Variants in CPNE7 observed in about 807,000 individuals in gnomAD.
CPNE7 encodes copine 7.
A neutral mutation model predicts 66.5 loss-of-function variants in CPNE7; 78 were observed. The observed-to-expected ratio is 1.17, with a 90% CI of 0.98 to 1.42. The LOEUF (loss-of-function observed/expected upper bound fraction) is 1.42. Among genes scored for constraint, CPNE7 ranks in the 40% most tolerant of loss-of-function variants. CPNE7 has a pLI of 0.00. For missense variants in CPNE7, 1,012 were observed against 776.6 expected (o/e 1.30, Z -3.60); for synonymous variants, 468 against 336.7 (o/e 1.39, Z -4.27).
intron 10 of CPNE7, 139 bp downstream of exon 10, chr16:89,588,947 GGGCTCCAGGTCA>G (rs2059129195): frequency 9.8e-7 from 1 of 1,025,190 alleles, no homozygotes; most frequent in Admixed American, 2.1e-5. Flanking sequence ...TCACCCCCCT[GGGCTCCAGGTCA>G]GGCCTCGGGG....
At chr16:89,590,577 ATGGTGTGTGGGGATTT>A (rs2059151986) in intron 11 of CPNE7, among the ~76,000 whole-genome samples, 1 of 151,434 alleles carries the variant, frequency 6.6e-6, no homozygotes, top group African/African-American at 2.4e-5. Context: ...AGCAGAAAAA[ATGGTGTGTGGGGATTT>A]ATTGGCTAAT....
At chr16:89,578,745 T>C (rs1264043765) in intron 2 of CPNE7, 2 of 1,339,010 alleles carry the variant, frequency 1.5e-6, no homozygotes, top group East Asian at 2.8e-5. Flanking sequence ...GAGTGACAGA[T>C]TGAGACTCTG....
chr16:89,584,728 C>T lies in CPNE7; in HGVS notation c.508-46C>T. ...GACAAAGCCAGCTCCCATCCAAAGC[C>T]CGATCTCACAGTGCCTGGCCCAGCA... On this transcript the variant is annotated intron_variant, in intron 4 of 14. Transcript: ENST00000319518. The surrounding 1 kb of genome is among the most constrained non-coding windows in gnomAD (Gnocchi z 6.0). 6.9e-7 allele frequency: 1 copy of T among 1,458,300 alleles called. No individual in the cohort carries two copies. The highest frequency in any genetic ancestry group is 9.6e-7 in the Non-Finnish European group (1 of 1,044,512). The allele number at this position is 1,458,300 out of a possible 1,614,324, so 90.3% of individuals were successfully genotyped here.
intron 8 of CPNE7, 41 bp from the exon 9 acceptor site, chr16:89,587,002 T>A: frequency 6.4e-7 from 1 of 1,555,754 alleles, no homozygotes; most frequent in Non-Finnish European, 8.7e-7. Context: ...CTGGCCTCAG[T>A]GTCCCTGGCG....
intron 13 of CPNE7, among the ~76,000 whole-genome samples, chr16:89,593,167 G>A (rs1446197648): frequency 6.6e-6 from 1 of 151,904 alleles, no homozygotes; most frequent in African/African-American, 2.4e-5. Context: ...CATTCATGAT[G>A]ATCAAACATC....
At chr16:89,589,427 C>T (rs1376945902) in intron 10 of CPNE7, among the ~76,000 whole-genome samples, 1 of 152,218 alleles carries the variant, frequency 6.6e-6, no homozygotes, top group Non-Finnish European at 1.5e-5. Flanking sequence ...AGGCTTGGGG[C>T]TCACCCGCGT....
At position 89,596,995 on chromosome 16, in the gene CPNE7, C is replaced by CT; in HGVS notation, c.*374_*375insT. 5.8e-6 allele frequency: 1 copy of CT among 173,184 alleles called. No individual in the cohort carries two copies. The highest frequency in any genetic ancestry group is 1.6e-4 in the East Asian group (1 of 6,294). 10.7% of individuals were successfully genotyped at this position (173,184 alleles called of 1,614,324 possible). On this transcript the variant is annotated 3_prime_UTR_variant, in exon 15 of 15. Transcript: ENST00000319518. The stretch of plus-strand genomic sequence containing the variant: ...GTGGGGGAGGGCCAGCAAGGCAGTC[C>CT]CCCCACGCCCGAGAAAGCCTGGGGG...
chr16:89,579,472 C>G (rs557309926), intron 2 of CPNE7, among the ~76,000 whole-genome samples: 1 of 151,486 alleles, frequency 6.6e-6, no homozygotes, highest in Admixed American at 6.6e-5. Flanking sequence ...CACCTGCTGA[C>G]ACGGAACATC....
chr16:89,595,184 C>T (rs979445729), intron 13 of CPNE7, among the ~76,000 whole-genome samples, 183 bp from the exon 14 acceptor site: 9 of 152,148 alleles, frequency 5.9e-5, no homozygotes, highest in South Asian at 2.1e-4. Flanking sequence ...GTGCCCGCCA[C>T]GGAGGGGGCT....
intron 13 of CPNE7, among the ~76,000 whole-genome samples, chr16:89,592,688 C>A (rs1231079487): frequency 1.3e-5 from 2 of 150,848 alleles, no homozygotes; most frequent in Admixed American, 1.3e-4. Flanking sequence ...GTGATCCACC[C>A]GCCTCGGCCT....
Position 89,592,710 on chromosome 16 carries a change from G to A in CPNE7, c.1302+1450G>A, listed in dbSNP as rs866642452. 3.9e-4 allele frequency among the ~76,000 whole-genome samples: 59 copies of A among 151,200 alleles called. 1 individual carries two copies. The Middle Eastern group carries it at 0.028, about 72-fold the overall frequency. On this transcript the variant is annotated intron_variant, in intron 13 of 14. Coordinates refer to ENST00000319518, the MANE Select transcript of CPNE7 (RefSeq NM_153636.3). ...ACCCGCCTCGGCCTCCCAAAGTGCT[G>A]GGATTACAGGAGTGAGCCACCGCGC...
intron 2 of CPNE7, among the ~76,000 whole-genome samples, chr16:89,581,684 G>A (rs186528621): frequency 5.3e-5 from 8 of 152,174 alleles, no homozygotes; most frequent in Non-Finnish European, 7.4e-5. Context: ...TCACTCTGCC[G>A]CCCAGGCTGG....
intron 8 of CPNE7, 142 bp from the exon 9 acceptor site, chr16:89,586,901 T>A (rs927155678): frequency 1.8e-6 from 2 of 1,085,916 alleles, no homozygotes; most frequent in Non-Finnish European, 2.7e-6. Flanking sequence ...AAGGGCGAGG[T>A]TGGGGAGAGA....
chr16:89,578,306 G>A lies in CPNE7; in HGVS notation c.357+585G>A, dbSNP rs144293029. On this transcript the variant is annotated intron_variant, in intron 2 of 14. Transcript: ENST00000319518. ...TCTTGAAATCCTGACCTCGTGATCC[G>A]CCTGCCTTGTCCTCCCAAAGTGCTG... Among the ~76,000 whole-genome samples, 742 of 151,804 alleles carry A rather than the reference G, an allele frequency of 4.9e-3. 2 individuals are homozygous for A. Among genetic ancestry groups the A allele is most frequent in the African/African-American group, 0.017 (708 of 41,418 alleles).
At chr16:89,595,774 C>G in intron 14 of CPNE7, 171 bp downstream of exon 14, 1 of 726,478 alleles carries the variant, frequency 1.4e-6, no homozygotes, top group African/African-American at 1.7e-5. Flanking sequence ...GAAGCCAGGA[C>G]TTTGAGCACC....
At position 89,586,935 on chromosome 16, in the gene CPNE7, T is replaced by C; in HGVS notation, c.868-108T>C. The C allele has an allele frequency of 5.1e-6, 6 of 1,171,764 alleles. No homozygotes were observed. The South Asian group carries it at 6.5e-5, about 13-fold the overall frequency. 72.6% of individuals were successfully genotyped at this position (1,171,764 alleles called of 1,614,324 possible). A position where few individuals can be genotyped will look rare whatever the true frequency, so the allele number is the denominator to read the frequency against. On this transcript the variant is annotated intron_variant, in intron 8 of 14. Transcript: ENST00000319518. ...GAGGATGGGGGAGAGGAGAGGAGGG[T>C]GGCACCCCAGAGGGACTGGGCTGCC...
rs573337887 is a variant in CPNE7 at position 89,581,015 on chromosome 16, TCCCGTCA to T, written c.358-2673_358-2667del. Among the ~76,000 whole-genome samples the T allele has an allele frequency of 1.7e-3, 233 of 139,340 alleles. 2 individuals are homozygous for T. The highest frequency in any genetic ancestry group is 5.5e-3 in the African/African-American group (197 of 35,818). The allele number at this position is 139,340 out of a possible 152,430, so 91.4% of individuals were successfully genotyped here. A position where few individuals can be genotyped will look rare whatever the true frequency, so the allele number is the denominator to read the frequency against. ...ATCCCATCACCTGTCACACGGAACA[TCCCGTCA>T]CCCGTCACACGGAACATCCCGTAAC... is the stretch of plus-strand genomic sequence containing the variant. On this transcript the variant is annotated intron_variant, in intron 2 of 14. Coordinates refer to ENST00000319518, the MANE Select transcript of CPNE7 (RefSeq NM_153636.3).
chr16:89,587,749 CGTGTCACCCG>C lies in CPNE7; in HGVS notation c.927+648_927+657del, dbSNP rs1476538702. On this transcript the variant is annotated intron_variant, in intron 9 of 14. Coordinates refer to ENST00000319518, the MANE Select transcript of CPNE7 (RefSeq NM_153636.3). ...GTGTCACCCACAGATACACGGCCCC[CGTGTCACCCG>C]CGTGTCACCCACAGAAACACGGCCC... 5.8e-3 allele frequency: 700 copies of C among 120,112 alleles called. 21 individuals carry two copies. The highest frequency in any genetic ancestry group is 0.017 in the Middle Eastern group (5 of 300). The allele number at this position is 120,112 out of a possible 1,614,324, so 7.4% of individuals were successfully genotyped here. A position where few individuals can be genotyped will look rare whatever the true frequency, so the allele number is the denominator to read the frequency against.
At chr16:89,581,245 G>A (rs548488925) in intron 2 of CPNE7, among the ~76,000 whole-genome samples, 12 of 146,532 alleles carry the variant, frequency 8.2e-5, no homozygotes, top group East Asian at 6.2e-4. Flanking sequence ...CCACTCACAC[G>A]GAACATCCGA....
Sources: gnomAD v4.1 joint callset for allele counts (sites outside exome capture counted in the v4.1 genomes callset) on GRCh38, gnomAD v4.1.1 for gene constraint, Gnocchi (gnomAD v3.1) non-coding constraint, MANE v1.5 for transcripts, NCBI Gene and HGNC (gene_info 2026-07-23, HGNC 2026-07-21) for gene names.